Variants in RBFOX3 observed in about 807,000 individuals in gnomAD.
The protein encoded by RBFOX3 is RNA binding fox-1 homolog 3.
In RBFOX3, 17 loss-of-function variants were observed where a neutral mutation model predicts 48.7. That is an observed-to-expected ratio of 0.35 (90% CI 0.24 to 0.52). The LOEUF (loss-of-function observed/expected upper bound fraction) is 0.52. Ranked by LOEUF, RBFOX3 falls within the 20% of genes least tolerant of loss-of-function variation. The pLI is 0.94. For missense variants in RBFOX3, 382 were observed against 497.5 expected (o/e 0.77, Z 2.21); for synonymous variants, 212 against 209.5 (o/e 1.01, Z -0.10).
chr17:79,338,595 T>G (rs912054625), intron 2 of RBFOX3, among the ~76,000 whole-genome samples: 1 of 152,206 alleles, frequency 6.6e-6, no homozygotes, highest in African/African-American at 2.4e-5. Context: ...TCCTGTCATC[T>G]GCATTGGTTT....
chr17:79,488,572 G>C (rs1037057595), intron 1 of RBFOX3, among the ~76,000 whole-genome samples: 6 of 152,216 alleles, frequency 3.9e-5, no homozygotes, highest in Non-Finnish European at 8.8e-5. Context: ...CCGCAGGCCT[G>C]GGTTCTCCTC....
At chr17:79,094,183 G>T in intron 14 of RBFOX3, 1 of 419,078 alleles carries the variant, frequency 2.4e-6, no homozygotes, top group South Asian at 8.2e-5. Flanking sequence ...AGGGAGCTCA[G>T]GGAAACGGAT....
At chr17:79,223,884 AC>A (rs1171130550) in intron 4 of RBFOX3, among the ~76,000 whole-genome samples, 1 of 152,146 alleles carries the variant, frequency 6.6e-6, no homozygotes, top group Non-Finnish European at 1.5e-5. Context: ...GGGAAAATCC[AC>A]CTCAGCATTG....
intron 2 of RBFOX3, among the ~76,000 whole-genome samples, chr17:79,441,697 T>C (rs1355851306): frequency 1.3e-5 from 2 of 152,176 alleles, no homozygotes; most frequent in African/African-American, 4.8e-5. Flanking sequence ...GGTCATCAGT[T>C]ACAGCAACCC....
In RBFOX3 at chr17:79,275,123, C is replaced by CCCCTCTCTCTCTCT. The variant is rs2068517620; in HGVS notation, c.-74+32600_-74+32601insAGAGAGAGAGAGGG. On this transcript the variant is annotated intron_variant, in intron 3 of 14. Transcript: ENST00000693108. The stretch of plus-strand genomic sequence containing the variant: ...CTCTCTGCCTCTCTCTCCATGTCTC[C>CCCCTCTCTCTCTCT]CTCTCTCTCTCTCTCTCTCTCTCTC... Among the ~76,000 whole-genome samples, 4 of 130,660 alleles carry CCCCTCTCTCTCTCT rather than the reference C, an allele frequency of 3.1e-5. No homozygotes were observed. The Admixed American group carries it at 3.1e-4, about 10-fold the overall frequency. The allele number at this position is 130,660 out of a possible 152,430, so 85.7% of individuals were successfully genotyped here. A position where few individuals can be genotyped will look rare whatever the true frequency, so the allele number is the denominator to read the frequency against.
At chr17:79,210,623 C>G (rs182794803) in intron 4 of RBFOX3, among the ~76,000 whole-genome samples, 1 of 152,298 alleles carries the variant, frequency 6.6e-6, no homozygotes, top group Non-Finnish European at 1.5e-5. Context: ...GGTCCCGGGG[C>G]GGGATTATGG....
chr17:79,530,281 C>G (rs911728348), intron 1 of RBFOX3, among the ~76,000 whole-genome samples: 155 of 152,246 alleles, frequency 1.0e-3, no homozygotes, highest in African/African-American at 3.5e-3. Context: ...GTTGTATTTT[C>G]AAAGCAGGGA....
In RBFOX3 at chr17:79,479,459, CTCAGAGGGGCTTCCTT is replaced by C. The variant is rs1284277531; in HGVS notation, c.-175+2979_-175+2994del. Reference sequence around the variant, plus strand: ...TGCTCCTTGCTCTGAGGGGCTTCCTCTCAGAGGGGCTTCCTTCTCTCCCCTTGACCTCACCCTTTTA... The same window carrying C: ...TGCTCCTTGCTCTGAGGGGCTTCCTCCTCTCCCCTTGACCTCACCCTTTTA... On this transcript the variant is annotated intron_variant, in intron 2 of 14. Coordinates refer to ENST00000693108, the MANE Select transcript of RBFOX3 (RefSeq NM_001350451.2). This position sits in a 1 kb window ranked among gnomAD's most constrained non-coding sequence, Gnocchi z 5.1. 6.6e-6 allele frequency among the ~76,000 whole-genome samples: 1 copy of C among 152,180 alleles called. No homozygotes were observed. Among genetic ancestry groups the C allele is most frequent in the Non-Finnish European group, 1.5e-5 (1 of 68,048 alleles).
At chr17:79,240,792 T>C (rs942373473) in intron 3 of RBFOX3, among the ~76,000 whole-genome samples, 1 of 152,100 alleles carries the variant, frequency 6.6e-6, no homozygotes, top group Non-Finnish European at 1.5e-5. Context: ...GCCTTCCAAG[T>C]AGCTGGGACT....
intron 2 of RBFOX3, among the ~76,000 whole-genome samples, chr17:79,435,794 A>G (rs1161004723): frequency 6.6e-6 from 1 of 152,202 alleles, no homozygotes; most frequent in East Asian, 1.9e-4. Flanking sequence ...GCTTATCCAC[A>G]ACAGCCTTCC....
chr17:79,272,530 C>T (rs967550677), intron 3 of RBFOX3, among the ~76,000 whole-genome samples: 1 of 152,196 alleles, frequency 6.6e-6, no homozygotes, highest in African/African-American at 2.4e-5. Flanking sequence ...TGGCCCCTGC[C>T]CACGCGGGGC....
intron 1 of RBFOX3, among the ~76,000 whole-genome samples, chr17:79,487,881 C>A (rs892732574): frequency 9.7e-5 from 12 of 124,314 alleles, no homozygotes; most frequent in Admixed American, 4.5e-4. Context: ...CACTGCACTC[C>A]AGCCTGGGTG....
chr17:79,598,566 C>G (rs2093628428), intron 1 of RBFOX3: 1 of 152,082 alleles, frequency 6.6e-6, no homozygotes, highest in Admixed American at 6.5e-5. Context: ...CCTGGAAGAT[C>G]CCTACCTTCT....
chr17:79,292,951 G>A (rs1421802456), intron 3 of RBFOX3, among the ~76,000 whole-genome samples: 2 of 152,234 alleles, frequency 1.3e-5, no homozygotes, highest in Middle Eastern at 3.4e-3. Context: ...GTTTTATGGG[G>A]TTTTTATACC....
chr17:79,611,145 T>C (rs1345260958), upstream of RBFOX3, among the ~76,000 whole-genome samples: 20 of 29,680 alleles, frequency 6.7e-4, no homozygotes, highest in Non-Finnish European at 8.1e-4. Flanking sequence ...TCTCTCTCTC[T>C]CTCTCTCTCT....
intron 2 of RBFOX3, among the ~76,000 whole-genome samples, chr17:79,394,213 G>A (rs1317931241): frequency 3.3e-5 from 5 of 152,186 alleles, no homozygotes; most frequent in Admixed American, 2.0e-4. Context: ...TGAGATCTGC[G>A]AGAATGGACA....
intron 3 of RBFOX3, among the ~76,000 whole-genome samples, chr17:79,301,248 T>G (rs189241277): frequency 1.7e-4 from 26 of 152,346 alleles, no homozygotes; most frequent in Non-Finnish European, 3.2e-4. Flanking sequence ...TTTGCACATG[T>G]GGACCAAGCC....
At chr17:79,340,912 A>C (rs1660815796) in intron 2 of RBFOX3, among the ~76,000 whole-genome samples, 2 of 152,218 alleles carry the variant, frequency 1.3e-5, no homozygotes, top group East Asian at 3.8e-4. Flanking sequence ...TCCTGTTTGA[A>C]AACCTTTCAG....
chr17:79,247,610 C>T (rs1378367839), intron 3 of RBFOX3, among the ~76,000 whole-genome samples: 3 of 152,106 alleles, frequency 2.0e-5, no homozygotes, highest in Non-Finnish European at 4.4e-5. Context: ...CCGCATCTGG[C>T]CCCCATGTTG....
Sources: gnomAD v4.1 joint callset for allele counts (sites outside exome capture counted in the v4.1 genomes callset) on GRCh38, gnomAD v4.1.1 for gene constraint, Gnocchi (gnomAD v3.1) non-coding constraint, MANE v1.5 for transcripts, NCBI Gene and HGNC (gene_info 2026-07-23, HGNC 2026-07-21) for gene names.